NRXN1: variants seen among roughly 807,000 people sequenced by gnomAD.
NRXN1 encodes the protein neurexin 1.
NRXN1 carries 39 observed loss-of-function variants against 150.9 expected under a neutral mutation model. That is an observed-to-expected ratio of 0.26 (90% CI 0.20 to 0.34). The LOEUF (loss-of-function observed/expected upper bound fraction) is 0.34, where lower values mean the gene tolerates loss of function less well. Among genes scored for constraint, NRXN1 ranks in the 10% least tolerant of loss-of-function variants. The probability of loss-of-function intolerance (pLI) is 1.00; values close to 1 mark genes in which losing one functional copy is unlikely to be tolerated. For missense variants in NRXN1, 1,815 were observed against 1,949.9 expected, an observed-to-expected ratio of 0.93 and a Z score of 1.30; for synonymous variants, 924 against 757.0, an observed-to-expected ratio of 1.22 and a Z score of -3.62.
In NRXN1 at chr2:50,026,859, C is replaced by CTTTTTTTTTTTTTTTTTT. The variant is rs57580154; in HGVS notation, c.4128+26394_4128+26411dup. ...TTGCATTGTTTAAGTCTTTTCTTTT[C>CTTTTTTTTTTTTTTTTTT]TTTTTTTTTTTTTTTTTTTTTTTTT... On this transcript the variant is annotated intron_variant, in intron 21 of 22. Transcript: ENST00000401669. Among the ~76,000 whole-genome samples the CTTTTTTTTTTTTTTTTTT allele has an allele frequency of 2.1e-4, 14 of 65,240 alleles. 5 individuals carry two copies. Among genetic ancestry groups the CTTTTTTTTTTTTTTTTTT allele is most frequent in the Non-Finnish European group, 3.5e-4 (13 of 37,416 alleles). 42.8% of individuals were successfully genotyped at this position (65,240 alleles called of 152,430 possible). A position where few individuals can be genotyped will look rare whatever the true frequency, so the allele number is the denominator to read the frequency against.
chr2:50,008,017 A>C (rs1685054414), intron 21 of NRXN1, among the ~76,000 whole-genome samples: 1 of 152,174 alleles, frequency 6.6e-6, no homozygotes, highest in Admixed American at 6.5e-5. Context: ...TGCTGAATCC[A>C]AGAGATTAAC....
intron 2 of NRXN1, among the ~76,000 whole-genome samples, chr2:50,933,710 C>A: frequency 6.6e-6 from 1 of 152,008 alleles, no homozygotes; most frequent in South Asian, 2.1e-4. Flanking sequence ...ATTTACTGAT[C>A]CATAAAATCA....
intron 2 of NRXN1, among the ~76,000 whole-genome samples, chr2:50,949,137 T>C (rs76720954): frequency 4.7e-4 from 71 of 152,170 alleles, no homozygotes; most frequent in African/African-American, 1.7e-3. Context: ...GAAAATACCT[T>C]TGTCACTATT....
chr2:50,434,431 T>G (rs1014191537), intron 17 of NRXN1, among the ~76,000 whole-genome samples: 8 of 152,094 alleles, frequency 5.3e-5, no homozygotes, highest in African/African-American at 1.9e-4. Flanking sequence ...TGACTTCATC[T>G]TGAAGAGAAA....
chr2:50,837,531 T>C (rs769858491), intron 5 of NRXN1, among the ~76,000 whole-genome samples: 6 of 152,152 alleles, frequency 3.9e-5, no homozygotes, highest in Non-Finnish European at 8.8e-5. Flanking sequence ...TACTGAAAGA[T>C]TTAAATGGCA....
At chr2:50,047,724 T>G (rs1692049595) in intron 21 of NRXN1, among the ~76,000 whole-genome samples, 2 of 152,206 alleles carry the variant, frequency 1.3e-5, no homozygotes, top group East Asian at 3.9e-4. Flanking sequence ...TTTTTTCTTT[T>G]TTCCTGCAGC....
intron 2 of NRXN1, among the ~76,000 whole-genome samples, chr2:50,998,785 C>T (rs376542049): frequency 6.6e-6 from 1 of 151,860 alleles, no homozygotes; most frequent in Non-Finnish European, 1.5e-5. Context: ...ACACATACAC[C>T]CACCACAATA....
intron 2 of NRXN1, among the ~76,000 whole-genome samples, chr2:51,004,258 T>A (rs1700427694): frequency 6.6e-6 from 1 of 151,868 alleles, no homozygotes; most frequent in African/African-American, 2.4e-5. Context: ...AATAAACAGA[T>A]TCTGGGTGAG....
At chr2:50,083,475 G>A (rs930199974) in intron 19 of NRXN1, among the ~76,000 whole-genome samples, 7 of 152,168 alleles carry the variant, frequency 4.6e-5, no homozygotes, top group African/African-American at 1.7e-4. Flanking sequence ...CAAGAATGAA[G>A]CCTCGGACCC....
intron 19 of NRXN1, among the ~76,000 whole-genome samples, chr2:50,082,639 A>C (rs1245958451): frequency 1.3e-5 from 2 of 152,362 alleles, no homozygotes; most frequent in Middle Eastern, 3.4e-3. Context: ...TATTGATTAA[A>C]TGTTTCAAAA....
chr2:50,054,168 G>A (rs943105482), intron 20 of NRXN1, among the ~76,000 whole-genome samples: 1 of 151,862 alleles, frequency 6.6e-6, no homozygotes, highest in African/African-American at 2.4e-5. Context: ...GGTTTACACT[G>A]AGCATGTCAG....
chr2:50,624,829 G>A (rs1031230137), intron 5 of NRXN1: 6 of 151,818 alleles, frequency 4.0e-5, no homozygotes, highest in Admixed American at 2.6e-4. Context: ...GTAACAAGGC[G>A]GCTCTCACGA....
intron 15 of NRXN1, among the ~76,000 whole-genome samples, chr2:50,480,708 C>T (rs1243170102): frequency 2.0e-5 from 3 of 152,160 alleles, no homozygotes; most frequent in Non-Finnish European, 2.9e-5. Context: ...GCTTCTATTT[C>T]TTGGCTCCTT....
chr2:50,166,224 T>A (rs2678222), intron 18 of NRXN1, among the ~76,000 whole-genome samples: 49,785 of 151,022 alleles, frequency 0.33, 8,595 homozygotes, highest in Non-Finnish European at 0.38. Flanking sequence ...CTGAAGAAAA[T>A]CCAAAATCTG....
chr2:50,638,669 T>C (rs1683590856), intron 5 of NRXN1, among the ~76,000 whole-genome samples: 1 of 152,150 alleles, frequency 6.6e-6, no homozygotes, highest in Non-Finnish European at 1.5e-5. Flanking sequence ...GTTGTTTTCT[T>C]TTCTACTTGT....
At chr2:50,036,511 C>T (rs560299580) in intron 21 of NRXN1, among the ~76,000 whole-genome samples, 58 of 152,242 alleles carry the variant, frequency 3.8e-4, no homozygotes, top group Non-Finnish European at 7.2e-4. Context: ...TCTGTATACA[C>T]ATTTGTCTTT....
intron 17 of NRXN1, among the ~76,000 whole-genome samples, chr2:50,366,004 G>C (rs1485806835): frequency 6.6e-6 from 1 of 151,950 alleles, no homozygotes; most frequent in Admixed American, 6.6e-5. Context: ...AACCTTAGAA[G>C]TAGGTTGAAG....
intron 17 of NRXN1, among the ~76,000 whole-genome samples, chr2:50,370,354 T>TC (rs2079927345): frequency 1.3e-5 from 2 of 152,000 alleles, no homozygotes; most frequent in Non-Finnish European, 2.9e-5. Context: ...TAGGATGTGC[T>TC]TAGGAATCTG....
chr2:50,708,196 A>G (rs1219638729), intron 5 of NRXN1, among the ~76,000 whole-genome samples: 1 of 152,202 alleles, frequency 6.6e-6, no homozygotes, highest in Admixed American at 6.5e-5. Context: ...AGATTTAGAA[A>G]TTATCTCATG....
Sources: gnomAD v4.1 joint callset for allele counts (sites outside exome capture counted in the v4.1 genomes callset) on GRCh38, gnomAD v4.1.1 for gene constraint, MANE v1.5 for transcripts, NCBI Gene and HGNC (gene_info 2026-07-23, HGNC 2026-07-21) for gene names.